The following CAMSAP1 variants were observed in gnomAD, a reference collection of about 807,000 sequenced individuals.
CAMSAP1 encodes the protein calmodulin-regulated spectrin-associated protein 1.
In CAMSAP1, 58 loss-of-function variants were observed where a neutral mutation model predicts 143.5. The ratio of observed to expected loss-of-function variants is 0.40; its 90% confidence interval spans 0.33 to 0.50. The LOEUF (loss-of-function observed/expected upper bound fraction) is 0.50. CAMSAP1 is among the 20% of genes least tolerant of loss of function. The pLI is 0.45. For missense variants in CAMSAP1, 1,969 were observed against 2,115.7 expected (o/e 0.93, Z 1.36); for synonymous variants, 945 against 859.3 (o/e 1.10, Z -1.74).
intron 1 of CAMSAP1, among the ~76,000 whole-genome samples, chr9:135,884,557 G>T (rs913249931): frequency 6.6e-6 from 1 of 152,166 alleles, no homozygotes; most frequent in Non-Finnish European, 1.5e-5. Flanking sequence ...AGGTCATCAC[G>T]GCAACCCAAG....
At chr9:135,905,741 A>G (rs1157766417) in intron 1 of CAMSAP1, among the ~76,000 whole-genome samples, 2 of 152,220 alleles carry the variant, frequency 1.3e-5, no homozygotes, top group Non-Finnish European at 2.9e-5. Flanking sequence ...ATACAAAGAA[A>G]AGCAAAACAG....
chr9:135,839,792 C>T (rs1836271311), intron 7 of CAMSAP1, among the ~76,000 whole-genome samples: 1 of 151,978 alleles, frequency 6.6e-6, no homozygotes, highest in South Asian at 2.1e-4. Context: ...ACTGCCAGGG[C>T]ACCAGCAGCC....
chr9:135,902,921 G>C (rs1265894278), intron 1 of CAMSAP1, among the ~76,000 whole-genome samples: 1 of 152,196 alleles, frequency 6.6e-6, no homozygotes, highest in African/African-American at 2.4e-5. Flanking sequence ...GGGCAGCTTG[G>C]CTCTGCAAGC....
At chr9:135,873,960 A>T (rs1837649922) in intron 3 of CAMSAP1, among the ~76,000 whole-genome samples, 1 of 152,188 alleles carries the variant, frequency 6.6e-6, no homozygotes, top group Non-Finnish European at 1.5e-5. Context: ...CATTGACACA[A>T]AAATCATCAA....
intron 7 of CAMSAP1, among the ~76,000 whole-genome samples, chr9:135,837,753 A>G (rs1195472873): frequency 6.8e-6 from 1 of 146,938 alleles, no homozygotes; most frequent in Non-Finnish European, 1.5e-5. Context: ...TACCCCTTCT[A>G]CAGATACACA....
At chr9:135,841,568 G>A (rs940950696) in intron 7 of CAMSAP1, among the ~76,000 whole-genome samples, 5 of 152,208 alleles carry the variant, frequency 3.3e-5, no homozygotes, top group Non-Finnish European at 7.3e-5. Context: ...TTACCTCCCA[G>A]CAGGGGTCAA....
At chr9:135,855,448 T>C (rs1199581141) in intron 5 of CAMSAP1, among the ~76,000 whole-genome samples, 2 of 152,170 alleles carry the variant, frequency 1.3e-5, no homozygotes, top group Non-Finnish European at 2.9e-5. Flanking sequence ...AAAATTTGTA[T>C]TTTACTTTAA....
chr9:135,875,151 C>G (rs1023094501), intron 3 of CAMSAP1, among the ~76,000 whole-genome samples: 19 of 152,130 alleles, frequency 1.2e-4, no homozygotes, highest in African/African-American at 4.6e-4. Context: ...CTTATAGAAG[C>G]TGACAAGCTG....
In CAMSAP1 at chr9:135,822,136, G is replaced by A. The variant is rs770463500; in HGVS notation, c.2525C>T (p.Pro842Leu). 3 of 1,613,114 alleles carry A rather than the reference G, an allele frequency of 1.9e-6. No homozygotes were observed. Among genetic ancestry groups the A allele is most frequent in the Non-Finnish European group, 1.7e-6 (2 of 1,179,866 alleles). Residue 842 changes from proline (P) to leucine (L), a missense_variant, in exon 11 of 17, where the codon CCA (proline) becomes CTA (leucine). Transcript: ENST00000389532. The surrounding 1 kb of genome is among the most constrained non-coding windows in gnomAD (Gnocchi z 6.1). The part of the protein sequence containing the change: ...SSTSSSQKTT[P>L]DASESCPAPL... The stretch of plus-strand genomic sequence containing the variant: ...GGCTGGGCAGCTCTCAGACGCATCT[G>A]GCGTGGTCTTCTGGGAGCTGCTGGT...
In CAMSAP1 at chr9:135,818,122, G is replaced by A. The variant is rs754472062; in HGVS notation, c.4169-43C>T. ...AGACGACGGTTCATGAACGGATTCC[G>A]ACAGACAAGTACCTGTCCCCTGTAC... On this transcript the variant is annotated intron_variant, in intron 13 of 16. Coordinates refer to ENST00000389532, the MANE Select transcript of CAMSAP1 (RefSeq NM_015447.4). This position sits in a 1 kb window ranked among gnomAD's most constrained non-coding sequence, Gnocchi z 7.7. The A allele has an allele frequency of 1.3e-5, 21 of 1,584,902 alleles. No homozygotes were observed. Among genetic ancestry groups the A allele is most frequent in the Non-Finnish European group, 1.6e-5 (18 of 1,156,544 alleles).
chr9:135,824,119 A>C lies in CAMSAP1; in HGVS notation c.1316-85T>G. ...TTCAATATGACCATTTGTCCAGAAA[A>C]ATGCCTCTCAAGTCAGTACACCAGA... is the stretch of plus-strand genomic sequence containing the variant. On this transcript the variant is annotated intron_variant, in intron 9 of 16. Coordinates refer to ENST00000389532, the MANE Select transcript of CAMSAP1 (RefSeq NM_015447.4). The surrounding 1 kb of genome is among the most constrained non-coding windows in gnomAD (Gnocchi z 4.1). 8.2e-7 allele frequency: 1 copy of C among 1,222,866 alleles called. No individual in the cohort carries two copies. Among genetic ancestry groups the C allele is most frequent in the Non-Finnish European group, 1.2e-6 (1 of 849,924 alleles). The allele number at this position is 1,222,866 out of a possible 1,614,324, so 75.8% of individuals were successfully genotyped here.
intron 14 of CAMSAP1, among the ~76,000 whole-genome samples, chr9:135,817,412 G>A (rs1287518187): frequency 6.6e-6 from 1 of 152,076 alleles, no homozygotes; most frequent in East Asian, 1.9e-4. Flanking sequence ...GGGGTTTTCT[G>A]GCAGCGTCTC....
intron 3 of CAMSAP1, among the ~76,000 whole-genome samples, chr9:135,875,054 C>T (rs996954947): frequency 4.6e-5 from 7 of 152,134 alleles, no homozygotes; most frequent in African/African-American, 1.4e-4. Context: ...TGTCTGTGGG[C>T]TGGAATATGC....
At chr9:135,861,123 G>A (rs1472167817) in intron 5 of CAMSAP1, among the ~76,000 whole-genome samples, 1 of 152,146 alleles carries the variant, frequency 6.6e-6, no homozygotes, top group Non-Finnish European at 1.5e-5. Context: ...TGGGCAGTAG[G>A]TGGAGTTTTC....
At chr9:135,887,303 C>A (rs909563274) in intron 1 of CAMSAP1, among the ~76,000 whole-genome samples, 3 of 152,124 alleles carry the variant, frequency 2.0e-5, no homozygotes, top group African/African-American at 7.2e-5. Context: ...CCAAGGAAGG[C>A]TGAGAAGGAT....
At chr9:135,872,903 G>C (rs1425160543) in intron 3 of CAMSAP1, among the ~76,000 whole-genome samples, 1 of 152,174 alleles carries the variant, frequency 6.6e-6, no homozygotes, top group Non-Finnish European at 1.5e-5. Context: ...CACAGCTCAG[G>C]ACCTTCCACC....
Position 135,809,086 on chromosome 9 carries a change from T to C in CAMSAP1, c.*2223A>G, listed in dbSNP as rs1000984115. 2.0e-5 allele frequency: 3 copies of C among 152,178 alleles called. No homozygotes were observed. The highest frequency in any genetic ancestry group is 7.2e-5 in the African/African-American group (3 of 41,444). 9.4% of individuals were successfully genotyped at this position (152,178 alleles called of 1,614,324 possible). On this transcript the variant is annotated 3_prime_UTR_variant, in exon 17 of 17. Transcript: ENST00000389532. ...AGAGTTATAAGTCAGTGTTATCAAC[T>C]GCAAAATCATGACTTTACCACCACC...
At chr9:135,886,317 C>T (rs57336436) in intron 1 of CAMSAP1, among the ~76,000 whole-genome samples, 2,755 of 152,164 alleles carry the variant, frequency 0.018, 91 homozygotes, top group African/African-American at 0.064. Context: ...GGGTGTCACA[C>T]AGGATGAGTG....
At chr9:135,877,798 G>A (rs959768512) in intron 3 of CAMSAP1, among the ~76,000 whole-genome samples, 9 of 151,934 alleles carry the variant, frequency 5.9e-5, no homozygotes, top group Non-Finnish European at 1.0e-4. Context: ...GCCACAAAAC[G>A]AGACTCTGTC....
Sources: allele counts gnomAD v4.1 joint callset (sites outside exome capture counted in the v4.1 genomes callset), GRCh38; gene constraint gnomAD v4.1.1; non-coding constraint Gnocchi (gnomAD v3.1); transcripts MANE v1.5; gene names NCBI Gene and HGNC (gene_info 2026-07-23, HGNC 2026-07-21).